The following GOSR1 variants were observed in gnomAD, a reference collection of about 807,000 sequenced individuals.
GOSR1 encodes 28 kDa Golgi SNARE protein.
Under a neutral mutation model 35.5 loss-of-function variants are expected in GOSR1, and 21 were observed. The ratio of observed to expected loss-of-function variants is 0.59; its 90% CI spans 0.42 to 0.85. The LOEUF (loss-of-function observed/expected upper bound fraction) is 0.85, where lower values mean the gene tolerates loss of function less well. GOSR1 is among the 40% of genes least tolerant of loss of function. The pLI is 0.00. For synonymous variants in GOSR1, 94 were observed against 106.6 expected (o/e 0.88, Z 0.73); for missense variants, 285 against 309.6 (o/e 0.92, Z 0.60).
chr17:30,520,338 C>A (rs142640857), intron 8 of GOSR1: 1 of 199,988 alleles, frequency 5.0e-6, no homozygotes, highest in East Asian at 1.2e-4. Flanking sequence ...CCACACTATA[C>A]ATTATTCTTA....
At chr17:30,499,526 A>C (rs1382284155) in intron 6 of GOSR1, among the ~76,000 whole-genome samples, 1 of 152,116 alleles carries the variant, frequency 6.6e-6, no homozygotes, top group African/African-American at 2.4e-5. Context: ...TATTTTTAGT[A>C]GAGACGGGGT....
intron 8 of GOSR1, 48 bp from the exon 9 acceptor site, chr17:30,522,206 G>A (rs751083628): frequency 1.0e-5 from 16 of 1,531,132 alleles, no homozygotes; most frequent in Middle Eastern, 1.7e-4. Flanking sequence ...ACGACTTTTC[G>A]CCAGAGAGGC....
At chr17:30,509,071 G>A (rs2143838085) in intron 6 of GOSR1, among the ~76,000 whole-genome samples, 1 of 152,216 alleles carries the variant, frequency 6.6e-6, no homozygotes, top group African/African-American at 2.4e-5. Flanking sequence ...CACCTCCTGG[G>A]TTCAAGCGAT....
intron 7 of GOSR1, among the ~76,000 whole-genome samples, chr17:30,511,140 G>A (rs1248822246): frequency 6.6e-6 from 1 of 152,072 alleles, no homozygotes; most frequent in African/African-American, 2.4e-5. Flanking sequence ...TTTTACTTAG[G>A]TTAATTTTTC....
chr17:30,480,210 T>C (rs1914244249), intron 1 of GOSR1: 1 of 151,510 alleles, frequency 6.6e-6, no homozygotes, highest in Non-Finnish European at 1.5e-5. Flanking sequence ...GGGAGGTAGT[T>C]GAGGCATGAG....
Position 30,481,192 on chromosome 17 carries a change from A to G in GOSR1, c.81A>G (p.Leu27=), listed in dbSNP as rs1240288969. Residue 27 remains leucine, a synonymous_variant, in exon 2 of 9, where the codon CTA becomes CTG. Coordinates refer to ENST00000451249, the MANE Select transcript of GOSR1 (RefSeq NM_001007025.2). Reference sequence around the variant, plus strand: ...TGGAAAATGAACTTGACCTGAAACTAGTTTCCTTCAGCAAACTATGTACAA... The same window carrying G: ...TGGAAAATGAACTTGACCTGAAACTGGTTTCCTTCAGCAAACTATGTACAA... ...RQLENELDLK[L]VSFSKLCTSY... 6.2e-7 allele frequency: 1 copy of G among 1,600,310 alleles called. No individual in the cohort carries two copies. Among genetic ancestry groups the G allele is most frequent in the East Asian group, 2.2e-5 (1 of 44,818 alleles).
At chr17:30,500,295 A>T (rs1967154186) in intron 6 of GOSR1, among the ~76,000 whole-genome samples, 1 of 151,828 alleles carries the variant, frequency 6.6e-6, no homozygotes, top group South Asian at 2.1e-4. Context: ...CAGGAGTTTT[A>T]GTTTTAGCTT....
chr17:30,492,622 C>G (rs543806924), intron 5 of GOSR1, 57 bp from the exon 6 acceptor site: 5 of 970,132 alleles, frequency 5.2e-6, no homozygotes, highest in Non-Finnish European at 8.3e-6. Flanking sequence ...TAGGGTCAGT[C>G]AATCTGATTT....
rs1184219180 is a variant in GOSR1, at chr17:30,523,530, G to A, written c.*1152G>A. 1 of 156,580 alleles carries A rather than the reference G, an allele frequency of 6.4e-6. No homozygotes were observed. Among genetic ancestry groups the A allele is most frequent in the Non-Finnish European group, 1.4e-5 (1 of 73,114 alleles). 9.7% of individuals were successfully genotyped at this position (156,580 alleles called of 1,614,324 possible). On this transcript the variant is annotated 3_prime_UTR_variant, in exon 9 of 9. Coordinates refer to ENST00000451249, the MANE Select transcript of GOSR1 (RefSeq NM_001007025.2). ...GCCCCGTCCGGGAGGGAGGTGGGGG[G>A]GTCAGCCCCCCGCCCGGCCAGCCGC...
intron 3 of GOSR1, 23 bp from the exon 4 acceptor site, chr17:30,484,640 G>GT (rs5819903): frequency 0.41 from 449,067 of 1,087,714 alleles, 65,147 homozygotes; most frequent in East Asian, 0.65. Context: ...TATTTTGATT[G>GT]TTTTTTTTTT....
Position 30,515,354 on chromosome 17 carries a change from G to C in GOSR1, c.539+4445G>C, listed in dbSNP as rs576408589. On this transcript the variant is annotated intron_variant, in intron 7 of 8. Transcript: ENST00000451249. ...ATGGTGTTTCTCCATGTTGTGAAAA[G>C]AATGTGTGTTGGGAAACTCATCCTG... Among the ~76,000 whole-genome samples the C allele has an allele frequency of 4.7e-5, 7 of 149,072 alleles. No individual in the cohort carries two copies. The South Asian group carries it at 1.1e-3, about 23-fold the overall frequency.
intron 4 of GOSR1, among the ~76,000 whole-genome samples, chr17:30,485,322 A>G (rs926065324): frequency 1.3e-5 from 2 of 151,076 alleles, no homozygotes; most frequent in Non-Finnish European, 2.9e-5. Flanking sequence ...GCTGGAGTGC[A>G]GTAGTACAGT....
rs1968163399 is a variant in GOSR1 at position 30,525,190 on chromosome 17, A to T, written c.*2812A>T. On this transcript the variant is annotated 3_prime_UTR_variant, in exon 9 of 9. Coordinates refer to ENST00000451249, the MANE Select transcript of GOSR1 (RefSeq NM_001007025.2). Reference sequence around the variant, plus strand: ...GATATCAGCTGTAGTTCTCAGCTACATCATGGTGTATAGATGCTGTTATTC... The same window carrying T: ...GATATCAGCTGTAGTTCTCAGCTACTTCATGGTGTATAGATGCTGTTATTC... 6.6e-6 allele frequency: 1 copy of T among 152,240 alleles called. No individual in the cohort carries two copies. Among genetic ancestry groups the T allele is most frequent in the South Asian group, 2.1e-4 (1 of 4,832 alleles). The allele number at this position is 152,240 out of a possible 1,614,324, so 9.4% of individuals were successfully genotyped here. A position where few individuals can be genotyped will look rare whatever the true frequency, so the allele number is the denominator to read the frequency against.
intron 6 of GOSR1, among the ~76,000 whole-genome samples, chr17:30,497,210 C>T (rs1967036231): frequency 6.6e-6 from 1 of 151,884 alleles, no homozygotes; most frequent in Non-Finnish European, 1.5e-5. Context: ...TTGGTCTGGG[C>T]AACATAGCAA....
intron 3 of GOSR1, 25 bp from the exon 4 acceptor site, chr17:30,484,638 T>A: frequency 8.3e-7 from 1 of 1,204,252 alleles, no homozygotes. Flanking sequence ...AATATTTTGA[T>A]TGTTTTTTTT....
In GOSR1 at chr17:30,519,206, A is replaced by C. The variant is rs374529510; in HGVS notation, c.540-733A>C. 4.9e-4 allele frequency among the ~76,000 whole-genome samples: 75 copies of C among 152,122 alleles called. 1 individual carries two copies. The highest frequency in any genetic ancestry group is 1.6e-3 in the African/African-American group (67 of 41,528). ...CTCCCGAGTAGCTGGGACTACAGGC[A>C]CACATGTCTAGCTAATTTTTTATTT... On this transcript the variant is annotated intron_variant, in intron 7 of 8. Transcript: ENST00000451249.
chr17:30,515,562 A>G (rs1245432099), intron 7 of GOSR1, among the ~76,000 whole-genome samples: 1 of 152,156 alleles, frequency 6.6e-6, no homozygotes, highest in South Asian at 2.1e-4. Context: ...ATTTTGGGTT[A>G]TGGCAACTCC....
At chr17:30,517,045 A>G (rs979064011) in intron 7 of GOSR1, among the ~76,000 whole-genome samples, 8 of 152,178 alleles carry the variant, frequency 5.3e-5, no homozygotes, top group African/African-American at 1.4e-4. Flanking sequence ...CCCAAATACT[A>G]TGTAATCACT....
intron 6 of GOSR1, among the ~76,000 whole-genome samples, chr17:30,501,577 T>C (rs915898981): frequency 6.6e-6 from 1 of 151,524 alleles, no homozygotes; most frequent in African/African-American, 2.4e-5. Flanking sequence ...GCTCACTGCA[T>C]CCTCCGCCTC....
Sources: gnomAD v4.1 joint callset for allele counts (sites outside exome capture counted in the v4.1 genomes callset) on GRCh38, gnomAD v4.1.1 for gene constraint, MANE v1.5 for transcripts, NCBI Gene and HGNC (gene_info 2026-07-23, HGNC 2026-07-21) for gene names.